The following LRRC4C variants were observed in gnomAD, a reference collection of about 807,000 sequenced individuals.
LRRC4C encodes the protein leucine-rich repeat-containing protein 4C.
Under a neutral mutation model 33.6 loss-of-function variants are expected in LRRC4C, and 5 were observed. The ratio of observed to expected loss-of-function variants is 0.15; its 90% CI spans 0.08 to 0.31. LRRC4C has a LOEUF of 0.31. Among genes scored for constraint, LRRC4C ranks in the 10% least tolerant of loss-of-function variants. The probability of loss-of-function intolerance (pLI) is 1.00; values close to 1 mark genes in which losing one functional copy is unlikely to be tolerated. For synonymous variants in LRRC4C, 329 were observed against 302.0 expected (o/e 1.09, Z -0.93); for missense variants, 560 against 796.7 (o/e 0.70, Z 3.58).
intron 1 of LRRC4C, among the ~76,000 whole-genome samples, chr11:41,105,016 A>G (rs1043467252): frequency 1.4e-4 from 22 of 151,994 alleles, no homozygotes; most frequent in Admixed American, 1.4e-3. Flanking sequence ...GGCGATGGAC[A>G]TATCACTGTA....
chr11:40,957,241 GA>G (rs1483238066), intron 1 of LRRC4C, among the ~76,000 whole-genome samples: 3 of 151,748 alleles, frequency 2.0e-5, no homozygotes, highest in Non-Finnish European at 4.4e-5. Flanking sequence ...GTAGGAGCTA[GA>G]AAAGGACTAT....
intron 1 of LRRC4C, among the ~76,000 whole-genome samples, chr11:40,961,901 G>A (rs577561605): frequency 6.6e-6 from 1 of 151,662 alleles, no homozygotes; most frequent in South Asian, 2.1e-4. Context: ...TTAAATTATA[G>A]CCCATGGGCC....
At chr11:40,633,167 C>G (rs1963609938) in intron 3 of LRRC4C, among the ~76,000 whole-genome samples, 1 of 152,044 alleles carries the variant, frequency 6.6e-6, no homozygotes, top group Non-Finnish European at 1.5e-5. Context: ...AGAACACTAT[C>G]AAGTTCAAAG....
At chr11:40,902,857 A>T (rs1158501045) in intron 2 of LRRC4C, among the ~76,000 whole-genome samples, 3 of 152,154 alleles carry the variant, frequency 2.0e-5, no homozygotes, top group Non-Finnish European at 4.4e-5. Context: ...AGTTTGGTCT[A>T]GGGGGTTTGA....
intron 1 of LRRC4C, among the ~76,000 whole-genome samples, chr11:41,336,058 C>A (rs140782096): frequency 1.7e-4 from 26 of 152,212 alleles, no homozygotes; most frequent in African/African-American, 5.8e-4. Flanking sequence ...ATCTGGCATC[C>A]CTCAGGCTTT....
At chr11:40,747,332 C>T (rs1255893951) in intron 2 of LRRC4C, among the ~76,000 whole-genome samples, 1 of 152,168 alleles carries the variant, frequency 6.6e-6, no homozygotes, top group Non-Finnish European at 1.5e-5. Flanking sequence ...AGAGGCTACA[C>T]TATGGCAGAT....
At chr11:41,384,801 C>T (rs1953293901) in intron 1 of LRRC4C, among the ~76,000 whole-genome samples, 1 of 148,732 alleles carries the variant, frequency 6.7e-6, no homozygotes, top group Non-Finnish European at 1.5e-5. Context: ...TTAAAACTCC[C>T]CAAAAAGTTT....
intron 1 of LRRC4C, among the ~76,000 whole-genome samples, chr11:41,364,257 A>T (rs1952455516): frequency 6.6e-6 from 1 of 152,078 alleles, no homozygotes; most frequent in South Asian, 2.1e-4. Context: ...CTTAAGGCAA[A>T]ATTTTTTAAA....
At chr11:40,153,208 G>A (rs1238674824) in intron 5 of LRRC4C, among the ~76,000 whole-genome samples, 1 of 152,148 alleles carries the variant, frequency 6.6e-6, no homozygotes, top group Non-Finnish European at 1.5e-5. Flanking sequence ...CTGCAGTTTG[G>A]CTCACAGGAA....
intron 1 of LRRC4C, among the ~76,000 whole-genome samples, chr11:41,427,119 G>T (rs1387232299): frequency 5.9e-5 from 9 of 152,174 alleles, no homozygotes; most frequent in Non-Finnish European, 1.2e-4. Context: ...GGTAGATGAT[G>T]ACTTAGGTGA....
At chr11:40,251,918 G>A (rs562673076) in intron 4 of LRRC4C, among the ~76,000 whole-genome samples, 1 of 152,286 alleles carries the variant, frequency 6.6e-6, no homozygotes, top group East Asian at 1.9e-4. Context: ...TCAGTGTTAG[G>A]AGGTTTGTTT....
chr11:40,154,674 C>T (rs556262235), intron 5 of LRRC4C, among the ~76,000 whole-genome samples: 14 of 152,246 alleles, frequency 9.2e-5, no homozygotes, highest in African/African-American at 2.6e-4. Flanking sequence ...AACATATATG[C>T]ACCTAACACT....
chr11:40,293,000 C>G (rs1309253462), intron 4 of LRRC4C: 2 of 152,114 alleles, frequency 1.3e-5, no homozygotes, highest in Non-Finnish European at 2.9e-5. Flanking sequence ...AACTTCCCCC[C>G]CACTCTCCAT....
At chr11:40,168,695 A>G (rs1859802063) in intron 5 of LRRC4C, among the ~76,000 whole-genome samples, 2 of 152,252 alleles carry the variant, frequency 1.3e-5, no homozygotes, top group South Asian at 4.1e-4. Flanking sequence ...CCACTGACTC[A>G]TGTGGTGTGA....
At chr11:41,186,582 A>T (rs764818036) in intron 1 of LRRC4C, among the ~76,000 whole-genome samples, 81 of 152,334 alleles carry the variant, frequency 5.3e-4, no homozygotes, top group Admixed American at 2.0e-3. Flanking sequence ...GTGATAAAGA[A>T]GCATATTAAC....
chr11:40,330,709 C>G (rs987513787), intron 3 of LRRC4C, among the ~76,000 whole-genome samples: 1 of 152,066 alleles, frequency 6.6e-6, no homozygotes, highest in African/African-American at 2.4e-5. Context: ...AGAACTTACT[C>G]ACTATCATGA....
chr11:41,206,778 A>C (rs191835289), intron 1 of LRRC4C, among the ~76,000 whole-genome samples: 1 of 152,204 alleles, frequency 6.6e-6, no homozygotes, highest in Admixed American at 6.5e-5. Flanking sequence ...CTTATGGACT[A>C]TTTGGGGGTT....
At chr11:41,144,286 G>A (rs1943637700) in intron 1 of LRRC4C, among the ~76,000 whole-genome samples, 1 of 152,142 alleles carries the variant, frequency 6.6e-6, no homozygotes, top group South Asian at 2.1e-4. Flanking sequence ...AGCAGTGAGT[G>A]ACCATTGAAA....
chr11:40,998,198 A>T (rs1399810096), intron 1 of LRRC4C, among the ~76,000 whole-genome samples: 1 of 152,088 alleles, frequency 6.6e-6, no homozygotes, highest in East Asian at 1.9e-4. Flanking sequence ...ATAAACAAAT[A>T]TGTATATATT....
Sources: allele counts gnomAD v4.1 joint callset (sites outside exome capture counted in the v4.1 genomes callset), GRCh38; gene constraint gnomAD v4.1.1; transcripts MANE v1.5; gene names NCBI Gene and HGNC (gene_info 2026-07-23, HGNC 2026-07-21).